TENM4: variants seen among roughly 807,000 people sequenced by gnomAD.
The protein encoded by TENM4 is teneurin-4.
TENM4 carries 82 observed loss-of-function variants against 243.3 expected under a neutral mutation model. The observed-to-expected ratio is 0.34, with a 90% CI of 0.28 to 0.40. The LOEUF (loss-of-function observed/expected upper bound fraction) is 0.40. TENM4 is among the 10% of genes least tolerant of loss of function. The pLI is 1.00. For synonymous variants in TENM4, 1,412 were observed against 1,456.3 expected (o/e 0.97, Z 0.69); for missense variants, 3,138 against 3,673.3 (o/e 0.85, Z 3.77).
intron 28 of TENM4, among the ~76,000 whole-genome samples, chr11:78,697,296 G>C (rs1858992684): frequency 6.6e-6 from 1 of 152,172 alleles, no homozygotes; most frequent in Non-Finnish European, 1.5e-5. Flanking sequence ...CAAGCAGCAA[G>C]ATGTGGTGCA....
chr11:79,164,984 TG>T (rs1468754286), intron 3 of TENM4, among the ~76,000 whole-genome samples: 1 of 151,962 alleles, frequency 6.6e-6, no homozygotes, highest in Non-Finnish European at 1.5e-5. Context: ...TGTGTGTGTG[TG>T]TGTGTGTGTG....
At chr11:78,736,801 G>T (rs1855809255) in intron 20 of TENM4, among the ~76,000 whole-genome samples, 1 of 152,170 alleles carries the variant, frequency 6.6e-6, no homozygotes, top group African/African-American at 2.4e-5. Context: ...GCCCCAAAAT[G>T]CATTGGTAAG....
At chr11:79,041,969 C>A (rs1252794447) in intron 6 of TENM4, among the ~76,000 whole-genome samples, 1 of 152,158 alleles carries the variant, frequency 6.6e-6, no homozygotes, top group African/African-American at 2.4e-5. Context: ...TTCCCTTAGC[C>A]GGAGGGTCTG....
chr11:78,736,859 T>C (rs146620338), intron 20 of TENM4, among the ~76,000 whole-genome samples: 2 of 152,228 alleles, frequency 1.3e-5, no homozygotes, highest in African/African-American at 2.4e-5. Context: ...GGCTACGTGA[T>C]GTAATTTAGG....
At chr11:78,940,740 G>A (rs535651743) in intron 6 of TENM4, among the ~76,000 whole-genome samples, 15 of 152,294 alleles carry the variant, frequency 9.8e-5, no homozygotes, top group Admixed American at 9.1e-4. Flanking sequence ...TGCTTGGGCA[G>A]GTCACCCTGG....
chr11:79,215,414 G>A (rs1364528486), intron 3 of TENM4, among the ~76,000 whole-genome samples: 1 of 152,152 alleles, frequency 6.6e-6, no homozygotes, highest in Non-Finnish European at 1.5e-5. Flanking sequence ...ATAGCCACCA[G>A]ACTCTGGGCC....
intron 2 of TENM4, among the ~76,000 whole-genome samples, chr11:79,260,955 T>C (rs1387744521): frequency 2.0e-5 from 3 of 152,192 alleles, no homozygotes; most frequent in Non-Finnish European, 2.9e-5. Context: ...GAATTTCTTC[T>C]TGGAAACAGA....
At chr11:79,255,389 T>G (rs1167129333) in intron 2 of TENM4, among the ~76,000 whole-genome samples, 1 of 152,162 alleles carries the variant, frequency 6.6e-6, no homozygotes, top group Non-Finnish European at 1.5e-5. Flanking sequence ...CCTGCAAGCC[T>G]GCAGCCAGGT....
rs368601922 is a variant in TENM4, at chr11:78,863,079, A to G, written c.1138T>C (p.Tyr380His). Residue 380 changes from tyrosine to histidine, a missense_variant, in exon 10 of 34, where the codon TAT (tyrosine) becomes CAT (histidine). Tyr to His is a moderately conservative substitution (Grantham distance 83, BLOSUM62 2). Coordinates refer to ENST00000278550, the MANE Select transcript of TENM4 (RefSeq NM_001098816.3). Reference protein sequence around the residue: ...WHLQPMEGQMYEITEDTASSW... With the variant: ...WHLQPMEGQMHEITEDTASSW... ...CTGGCTGTGTCCTCCGTGATCTCAT[A>G]CATCTGCCCCTCCATCGGCTGCAGG... The G allele has an allele frequency of 7.8e-6, 12 of 1,533,580 alleles. No individual in the cohort carries two copies. The African/African-American group carries it at 1.4e-4, about 18-fold the overall frequency. 95.0% of individuals were successfully genotyped at this position (1,533,580 alleles called of 1,614,324 possible).
chr11:79,180,780 A>G (rs1591337027), intron 3 of TENM4, among the ~76,000 whole-genome samples: 1 of 151,500 alleles, frequency 6.6e-6, no homozygotes, highest in East Asian at 1.9e-4. Context: ...AGAGCTCAAG[A>G]CCAGCCTGGA....
chr11:79,238,566 C>T lies in TENM4; in HGVS notation c.-264-22657G>A, dbSNP rs1864523859. Among the ~76,000 whole-genome samples, 3 of 152,174 alleles carry T rather than the reference C, an allele frequency of 2.0e-5. No individual in the cohort carries two copies. The South Asian group carries it at 6.2e-4, about 32-fold the overall frequency. ...TGGTTCTCAGGCCTTAGGGTTTGGG[C>T]CAGAACTACACCACTGGCTTTCCTG... is the stretch of plus-strand genomic sequence containing the variant. On this transcript the variant is annotated intron_variant, in intron 2 of 33. Coordinates refer to ENST00000278550, the MANE Select transcript of TENM4 (RefSeq NM_001098816.3).
At chr11:79,243,814 G>A (rs989842925) in intron 2 of TENM4, among the ~76,000 whole-genome samples, 1 of 152,232 alleles carries the variant, frequency 6.6e-6, no homozygotes, top group African/African-American at 2.4e-5. Flanking sequence ...GCCAAGAGCA[G>A]GCGGCAACTG....
At chr11:79,327,849 A>ACAGT (rs1327166916) in intron 1 of TENM4, among the ~76,000 whole-genome samples, 1 of 152,110 alleles carries the variant, frequency 6.6e-6, no homozygotes, top group Non-Finnish European at 1.5e-5. Flanking sequence ...GTAAAATGGG[A>ACAGT]CAGTGCCTGA....
At chr11:78,964,215 G>A (rs1290706263) in intron 6 of TENM4, among the ~76,000 whole-genome samples, 1 of 151,382 alleles carries the variant, frequency 6.6e-6, no homozygotes. Flanking sequence ...GCTAATTTTT[G>A]TATTTTTAGT....
chr11:78,819,586 C>A (rs1040383703), intron 12 of TENM4, among the ~76,000 whole-genome samples: 1 of 152,122 alleles, frequency 6.6e-6, no homozygotes, highest in Non-Finnish European at 1.5e-5. Flanking sequence ...AGTGGGCAAA[C>A]CTCTGTGGAC....
At chr11:79,123,599 CTTT>C (rs35553883) in intron 4 of TENM4, among the ~76,000 whole-genome samples, 3 of 143,750 alleles carry the variant, frequency 2.1e-5, no homozygotes, top group African/African-American at 7.6e-5. Flanking sequence ...GCAGTAGCCC[CTTT>C]TTTTTTTTTT....
At chr11:79,138,226 G>C (rs540088311) in intron 4 of TENM4, among the ~76,000 whole-genome samples, 118 of 147,238 alleles carry the variant, frequency 8.0e-4, no homozygotes, top group Admixed American at 2.8e-3. Context: ...TTGGAACTTG[G>C]ACTGGCTCGC....
chr11:78,827,017 G>A (rs188805009), intron 12 of TENM4, among the ~76,000 whole-genome samples: 2 of 152,238 alleles, frequency 1.3e-5, no homozygotes, highest in Admixed American at 1.3e-4. Context: ...CTGCTTTTAT[G>A]CTGTTGCCAT....
intron 4 of TENM4, among the ~76,000 whole-genome samples, chr11:79,131,945 C>T (rs952718486): frequency 6.6e-6 from 1 of 152,090 alleles, no homozygotes; most frequent in African/African-American, 2.4e-5. Flanking sequence ...GACAGAGGGA[C>T]ATTATATAAT....
Sources: gnomAD v4.1 joint callset for allele counts (sites outside exome capture counted in the v4.1 genomes callset) on GRCh38, gnomAD v4.1.1 for gene constraint, MANE v1.5 for transcripts, NCBI Gene and HGNC (gene_info 2026-07-23, HGNC 2026-07-21) for gene names.